The following ALPK1 variants were observed in gnomAD, a reference collection of about 807,000 sequenced individuals.
ALPK1 encodes the protein alpha kinase 1, also known as alpha-protein kinase 1.
Under a neutral mutation model 120.6 loss-of-function variants are expected in ALPK1, and 110 were observed. The ratio of observed to expected loss-of-function variants is 0.91; its 90% CI spans 0.78 to 1.07. The LOEUF (loss-of-function observed/expected upper bound fraction) is 1.07. Ranked by LOEUF, ALPK1 falls within the 50% of genes least tolerant of loss-of-function variation. The pLI is 0.00. For missense variants in ALPK1, 1,498 were observed against 1,483.9 expected (o/e 1.01, Z -0.16); for synonymous variants, 582 against 560.3 (o/e 1.04, Z -0.55).
intron 2 of ALPK1, among the ~76,000 whole-genome samples, chr4:112,349,844 G>A (rs1030044029): frequency 2.0e-5 from 3 of 152,166 alleles, no homozygotes; most frequent in East Asian, 1.9e-4. Flanking sequence ...GAGCCACCAC[G>A]CCCGGCCTAC....
chr4:112,352,726 C>T (rs952509593), intron 2 of ALPK1: 2 of 152,084 alleles, frequency 1.3e-5, no homozygotes, highest in Non-Finnish European at 2.9e-5. Flanking sequence ...TATCCTGTAA[C>T]AATATATTGT....
chr4:112,362,420 A>T (rs924239774), intron 2 of ALPK1, among the ~76,000 whole-genome samples: 1 of 152,228 alleles, frequency 6.6e-6, no homozygotes, highest in Non-Finnish European at 1.5e-5. Context: ...TCAAGGACAC[A>T]CTTAGAGAAA....
chr4:112,439,741 G>A lies in ALPK1; in HGVS notation c.3407G>A (p.Gly1136Glu), dbSNP rs1560691813. ...ATCAGTGTGGAGCCTTACATACTGGGAGAATTTGTAAAATTGTCAAATAAC... is the reference window on the plus strand; with the variant it reads ...ATCAGTGTGGAGCCTTACATACTGGAAGAATTTGTAAAATTGTCAAATAAC... Reference protein sequence around the residue: ...GCISVEPYILGEFVKLSNNTK... With the variant: ...GCISVEPYILEEFVKLSNNTK... The change falls in exon 14 of 16, where the codon GGA becomes GAA. Residue 1136 changes from glycine to glutamate, a missense_variant. Gly to Glu is a moderately conservative substitution (Grantham distance 98). Coordinates refer to ENST00000650871, the MANE Select transcript of ALPK1 (RefSeq NM_025144.4). 2 of 1,613,598 alleles carry A rather than the reference G, an allele frequency of 1.2e-6. No homozygotes were observed. Among genetic ancestry groups the A allele is most frequent in the Non-Finnish European group, 8.5e-7 (1 of 1,179,812 alleles).
rs529872572 is a variant in ALPK1, at chr4:112,377,329, G to A, written c.-100-349G>A. ...GCCAGATGCTTCCTGTGGACTTCTA[G>A]AGAGCAGAGAGTGTGGTGCCACTGA... is the stretch of plus-strand genomic sequence containing the variant. On this transcript the variant is annotated intron_variant, in intron 2 of 15. Coordinates refer to ENST00000650871, the MANE Select transcript of ALPK1 (RefSeq NM_025144.4). Among the ~76,000 whole-genome samples the A allele has an allele frequency of 5.3e-5, 8 of 152,322 alleles. 1 individual carries two copies. In the South Asian group the frequency reaches 1.7e-3, roughly 32 times the overall value.
chr4:112,438,461 G>C (rs947743629), intron 12 of ALPK1, 23 bp from the exon 13 acceptor site: 1 of 1,607,576 alleles, frequency 6.2e-7, no homozygotes. Context: ...GCATTTTGTT[G>C]TGTGGATTTT....
At chr4:112,382,359 T>C in intron 3 of ALPK1, 39 bp from the exon 4 acceptor site, 1 of 1,603,242 alleles carries the variant, frequency 6.2e-7, no homozygotes, top group South Asian at 1.1e-5. Flanking sequence ...AGCCTTTTCT[T>C]TGACTGCAAT....
chr4:112,360,701 A>C (rs1372127019), intron 2 of ALPK1, among the ~76,000 whole-genome samples: 1 of 152,186 alleles, frequency 6.6e-6, no homozygotes. Flanking sequence ...AAATTTGTTT[A>C]GTGAGGATCT....
chr4:112,308,378 G>A (rs1728219334), intron 1 of ALPK1, among the ~76,000 whole-genome samples: 1 of 152,010 alleles, frequency 6.6e-6, no homozygotes, highest in Non-Finnish European at 1.5e-5. Flanking sequence ...GTCACTCTCA[G>A]GTACACCAAT....
chr4:112,359,519 G>A, intron 2 of ALPK1: 2 of 257,420 alleles, frequency 7.8e-6, no homozygotes, highest in Admixed American at 9.9e-5. Flanking sequence ...CAGGCATGGA[G>A]CCGCCAGGAC....
At chr4:112,439,539 G>T in intron 13 of ALPK1, 147 bp from the exon 14 acceptor site, 1 of 591,464 alleles carries the variant, frequency 1.7e-6, no homozygotes, top group Non-Finnish European at 2.8e-6. Flanking sequence ...CTAAAAGGTA[G>T]TTATAATTAT....
At chr4:112,374,314 G>A (rs919595460) in intron 2 of ALPK1, among the ~76,000 whole-genome samples, 4 of 152,202 alleles carry the variant, frequency 2.6e-5, no homozygotes, top group African/African-American at 9.6e-5. Context: ...ATTCATTCAA[G>A]TTTTATCATG....
chr4:112,423,751 A>C (rs1734105572), intron 5 of ALPK1, 193 bp from the exon 6 acceptor site: 1 of 700,444 alleles, frequency 1.4e-6, no homozygotes, highest in Non-Finnish European at 2.6e-6. Flanking sequence ...CCACCTTACC[A>C]ACTTAGGAAA....
intron 2 of ALPK1, chr4:112,357,440 T>C (rs2148714522): frequency 1.4e-6 from 1 of 705,340 alleles, no homozygotes; most frequent in Non-Finnish European, 2.5e-6. Flanking sequence ...ATCTGATGCC[T>C]GGAGCACCAC....
chr4:112,315,229 T>C (rs1296417414), intron 1 of ALPK1, among the ~76,000 whole-genome samples: 1 of 152,164 alleles, frequency 6.6e-6, no homozygotes, highest in Non-Finnish European at 1.5e-5. Context: ...TATTGCAAAC[T>C]TCTTTAGCAA....
At chr4:112,311,940 G>C (rs1255516538) in intron 1 of ALPK1, among the ~76,000 whole-genome samples, 4 of 152,072 alleles carry the variant, frequency 2.6e-5, no homozygotes, top group African/African-American at 4.8e-5. Flanking sequence ...ACATGAGTGA[G>C]AGGAAGCACA....
At chr4:112,373,653 T>C (rs1731520114) in intron 2 of ALPK1, among the ~76,000 whole-genome samples, 1 of 152,150 alleles carries the variant, frequency 6.6e-6, no homozygotes, top group Non-Finnish European at 1.5e-5. Context: ...CTTGGGAGGT[T>C]GAGGTGGGAG....
intron 2 of ALPK1, among the ~76,000 whole-genome samples, chr4:112,344,370 ACT>A (rs1730012981): frequency 1.3e-5 from 2 of 152,326 alleles, no homozygotes; most frequent in African/African-American, 4.8e-5. Flanking sequence ...AAATAGTGGG[ACT>A]GAACAGTTGA....
chr4:112,411,194 T>C (rs1167007111), intron 4 of ALPK1: 1 of 154,974 alleles, frequency 6.5e-6, no homozygotes, highest in Non-Finnish European at 1.5e-5. Context: ...GGGGAAACTA[T>C]GGGGCGCTTT....
intron 2 of ALPK1, chr4:112,356,984 C>G (rs1730656364): frequency 2.6e-6 from 2 of 769,976 alleles, no homozygotes. Context: ...GCTGGAGGAG[C>G]AGATCAAGGT....
Sources: gnomAD v4.1 joint callset for allele counts (sites outside exome capture counted in the v4.1 genomes callset) on GRCh38, gnomAD v4.1.1 for gene constraint, MANE v1.5 for transcripts, NCBI Gene and HGNC (gene_info 2026-07-23, HGNC 2026-07-21) for gene names.